The following PDS5B variants were observed in gnomAD, a reference collection of about 807,000 sequenced individuals.
The protein encoded by PDS5B is sister chromatid cohesion protein PDS5 homolog B.
In PDS5B, 51 loss-of-function variants were observed where a neutral mutation model predicts 184.1. The observed-to-expected ratio is 0.28, with a 90% CI of 0.22 to 0.35. The LOEUF is 0.35. PDS5B is among the 10% of genes least tolerant of loss of function. The pLI is 1.00. For synonymous variants in PDS5B, 566 were observed against 569.2 expected, an observed-to-expected ratio of 0.99 and a Z score of 0.08; for missense variants, 1,180 against 1,723.3, an observed-to-expected ratio of 0.68 and a Z score of 5.58.
At chr13:32,594,989 T>C (rs769909881) in intron 1 of PDS5B, among the ~76,000 whole-genome samples, 7 of 152,194 alleles carry the variant, frequency 4.6e-5, no homozygotes, top group Non-Finnish European at 1.0e-4. Flanking sequence ...CGTGTCTTCT[T>C]CTCCAAGGCT....
chr13:32,604,335 T>C (rs2140491063), intron 1 of PDS5B, among the ~76,000 whole-genome samples: 1 of 152,306 alleles, frequency 6.6e-6, no homozygotes, highest in East Asian at 1.9e-4. Context: ...GAGATAATCA[T>C]GTGGTTTTTG....
Position 32,735,412 on chromosome 13 carries a change from A to G in PDS5B, c.2406+82A>G, listed in dbSNP as rs1593556699. On this transcript the variant is annotated intron_variant, in intron 21 of 34. Transcript: ENST00000315596. ...CCAACAAGGAAAGAAGTGAAATGAT[A>G]TCAATAATACTTCCATTTGACTGCC... 17 of 941,744 alleles carry G rather than the reference A, an allele frequency of 1.8e-5. No homozygotes were observed. In the South Asian group the frequency reaches 3.0e-4, roughly 17 times the overall value. The allele number at this position is 941,744 out of a possible 1,614,324, so 58.3% of individuals were successfully genotyped here.
intron 3 of PDS5B, among the ~76,000 whole-genome samples, chr13:32,655,267 A>G (rs1472326714): frequency 6.8e-6 from 1 of 146,244 alleles, no homozygotes; most frequent in Admixed American, 6.9e-5. Context: ...TTTGATTTGC[A>G]TTTCTCTAAT....
intron 19 of PDS5B, among the ~76,000 whole-genome samples, chr13:32,725,287 G>A (rs1207174841): frequency 6.6e-6 from 1 of 152,110 alleles, no homozygotes; most frequent in Non-Finnish European, 1.5e-5. Flanking sequence ...ACGGGTTTAC[G>A]CATATTTGTG....
intron 1 of PDS5B, among the ~76,000 whole-genome samples, chr13:32,605,214 T>C (rs1386812662): frequency 2.0e-5 from 3 of 152,242 alleles, no homozygotes; most frequent in East Asian, 1.9e-4. Flanking sequence ...TTTAGTGCTA[T>C]AAATTTCCCG....
chr13:32,703,700 C>T (rs1033932167), intron 17 of PDS5B, among the ~76,000 whole-genome samples: 2 of 152,064 alleles, frequency 1.3e-5, no homozygotes, highest in African/African-American at 4.8e-5. Flanking sequence ...ACTTTTAGTC[C>T]CCTATAGTAG....
intron 17 of PDS5B, among the ~76,000 whole-genome samples, chr13:32,701,761 A>G (rs1951869487): frequency 6.6e-6 from 1 of 151,926 alleles, no homozygotes; most frequent in Non-Finnish European, 1.5e-5. Flanking sequence ...TATACCAGAC[A>G]CTCTTTGTTT....
chr13:32,667,160 T>C (rs567339475), intron 6 of PDS5B, among the ~76,000 whole-genome samples: 1 of 152,298 alleles, frequency 6.6e-6, no homozygotes, highest in South Asian at 2.1e-4. Flanking sequence ...CCATTTTTTA[T>C]CTTTACTTCC....
At chr13:32,588,420 A>G (rs184532822) in intron 1 of PDS5B, among the ~76,000 whole-genome samples, 29 of 152,322 alleles carry the variant, frequency 1.9e-4, no homozygotes, top group African/African-American at 7.0e-4. Context: ...TGCACTTTAG[A>G]CTTTATAAAA....
At chr13:32,620,656 CAAA>C (rs376008300) in intron 1 of PDS5B, among the ~76,000 whole-genome samples, 10 of 92,360 alleles carry the variant, frequency 1.1e-4, no homozygotes, top group South Asian at 4.5e-4. Context: ...GACTCCGTCT[CAAA>C]AAAAAAAAAA....
intron 1 of PDS5B, among the ~76,000 whole-genome samples, chr13:32,597,146 A>G (rs1269619598): frequency 6.6e-6 from 1 of 150,620 alleles, no homozygotes; most frequent in Non-Finnish European, 1.5e-5. Context: ...CCACCCTCCT[A>G]TCTCAGCCTC....
At chr13:32,738,965 C>T (rs895100554) in intron 21 of PDS5B, among the ~76,000 whole-genome samples, 8 of 152,134 alleles carry the variant, frequency 5.3e-5, no homozygotes, top group Non-Finnish European at 7.3e-5. Flanking sequence ...AGCCACCACG[C>T]GCCTGGCCTG....
chr13:32,618,293 C>T (rs895578254), intron 1 of PDS5B, among the ~76,000 whole-genome samples: 1 of 152,130 alleles, frequency 6.6e-6, no homozygotes, highest in African/African-American at 2.4e-5. Context: ...AATGGTCCTA[C>T]CCGAGGTTTT....
At chr13:32,596,797 A>G (rs9535012) in intron 1 of PDS5B, among the ~76,000 whole-genome samples, 16,076 of 152,084 alleles carry the variant, frequency 0.11, 1,245 homozygotes, top group South Asian at 0.23. Flanking sequence ...CTTTCGTAGG[A>G]TGCCTCTTCA....
chr13:32,690,477 T>C (rs1057018169), intron 13 of PDS5B: 3 of 152,108 alleles, frequency 2.0e-5, no homozygotes, highest in Non-Finnish European at 4.4e-5. Flanking sequence ...GGCAGACATC[T>C]TGACTAACTA....
In PDS5B at chr13:32,773,284, C is replaced by T. The variant is rs1381370787; in HGVS notation, c.4268C>T (p.Pro1423Leu). The T allele has an allele frequency of 2.5e-6, 4 of 1,612,362 alleles. No homozygotes were observed. The highest frequency in any genetic ancestry group is 1.1e-5 in the South Asian group (1 of 90,942). Reference protein sequence around the residue: ...FQGSSPVDDIPQEETEEEEVS... With the variant: ...FQGSSPVDDILQEETEEEEVS... ...GGTAGCTCTCCTGTCGATGATATTC[C>T]ACAGGAAGAAACAGAGGAGGAGGAA... The change falls in exon 34 of 35, where the codon CCA becomes CTA. Residue 1423 changes from proline (P) to leucine (L), a missense_variant. This residue lies in a region of PDS5B where 465 missense variants were observed against 497.8 expected (regional missense o/e 0.93). Coordinates refer to ENST00000315596, the MANE Select transcript of PDS5B (RefSeq NM_015032.4).
At chr13:32,612,460 A>G (rs1032678294) in intron 1 of PDS5B, among the ~76,000 whole-genome samples, 5 of 152,192 alleles carry the variant, frequency 3.3e-5, no homozygotes, top group African/African-American at 4.8e-5. Flanking sequence ...GTGGTTTAGT[A>G]TATTGACAGA....
chr13:32,591,135 T>A (rs1283003086), intron 1 of PDS5B, among the ~76,000 whole-genome samples: 1 of 151,874 alleles, frequency 6.6e-6, no homozygotes, highest in Non-Finnish European at 1.5e-5. Context: ...TTTATTATTA[T>A]TATTATTTTT....
chr13:32,622,833 T>TTACA (rs1201069197), intron 1 of PDS5B, among the ~76,000 whole-genome samples: 9 of 152,240 alleles, frequency 5.9e-5, no homozygotes, highest in African/African-American at 2.2e-4. Flanking sequence ...TAGGTGCCTG[T>TTACA]TACAACCCAT....
Sources: gnomAD v4.1 joint callset for allele counts (sites outside exome capture counted in the v4.1 genomes callset) on GRCh38, gnomAD v4.1.1 for gene constraint, gnomAD v4.1.1 regional missense constraint, MANE v1.5 for transcripts, NCBI Gene and HGNC (gene_info 2026-07-23, HGNC 2026-07-21) for gene names.